Variants in TMED10 observed in about 807,000 individuals in gnomAD.
The protein encoded by TMED10 is transmembrane p24 trafficking protein 10.
TMED10 carries 7 observed loss-of-function variants against 23.1 expected under a neutral mutation model. The ratio of observed to expected loss-of-function variants is 0.30; its 90% CI spans 0.17 to 0.57. The LOEUF (loss-of-function observed/expected upper bound fraction) is 0.57, where lower values mean the gene tolerates loss of function less well. Among genes scored for constraint, TMED10 ranks in the 20% least tolerant of loss-of-function variants. The pLI is 0.91. For synonymous variants in TMED10, 113 were observed against 106.9 expected, an observed-to-expected ratio of 1.06 and a Z score of -0.35; for missense variants, 162 against 274.8, an observed-to-expected ratio of 0.59 and a Z score of 2.90.
intron 2 of TMED10, among the ~76,000 whole-genome samples, chr14:75,151,140 A>G (rs1594868816): frequency 6.6e-6 from 1 of 150,424 alleles, no homozygotes; most frequent in Non-Finnish European, 1.5e-5. Flanking sequence ...TCCTGGCCTC[A>G]GGTGATCCGC....
In TMED10 at chr14:75,145,473, T is replaced by C. The variant is rs376778678; in HGVS notation, c.411+2191A>G. On this transcript the variant is annotated intron_variant, in intron 3 of 4. Coordinates refer to ENST00000303575, the MANE Select transcript of TMED10 (RefSeq NM_006827.6). ...GCTATGTCTACTGTCTAATAGGGCA[T>C]TGATGTGTTGTTATTTAATAAATAC... Among the ~76,000 whole-genome samples the C allele has an allele frequency of 1.4e-4, 22 of 152,306 alleles. No homozygotes were observed. The East Asian group carries it at 2.7e-3, about 19-fold the overall frequency.
At chr14:75,151,911 G>C (rs934809566) in intron 2 of TMED10, 121 bp downstream of exon 2, 1 of 849,186 alleles carries the variant, frequency 1.2e-6, no homozygotes, top group African/African-American at 1.7e-5. Context: ...CAAGGTAACA[G>C]GTCTCCAAAT....
intron 3 of TMED10, among the ~76,000 whole-genome samples, chr14:75,144,172 C>G (rs1232387375): frequency 1.3e-5 from 2 of 152,176 alleles, no homozygotes; most frequent in African/African-American, 4.8e-5. Context: ...CAGATAGCTC[C>G]TTCTTTGTCG....
intron 1 of TMED10, among the ~76,000 whole-genome samples, chr14:75,164,917 AAGCAGATGTTTGATCC>A (rs554308699): frequency 3.3e-5 from 5 of 152,086 alleles, no homozygotes; most frequent in African/African-American, 1.2e-4. Context: ...ATGCCTAAGA[AAGCAGATGTTTGATCC>A]TTTTAGCTGA....
In TMED10 at chr14:75,135,285, G is replaced by A. The variant is rs188714374; in HGVS notation, c.539-279C>T. ...CTAACTCTGTCTCTATTAAAAATAC[G>A]AAAAATTAGCCAGGCATGGTGGCTT... On this transcript the variant is annotated intron_variant, in intron 4 of 4. Coordinates refer to ENST00000303575, the MANE Select transcript of TMED10 (RefSeq NM_006827.6). 9.2e-4 allele frequency among the ~76,000 whole-genome samples: 139 copies of A among 151,904 alleles called. 2 individuals carry two copies. The highest frequency in any genetic ancestry group is 2.6e-4 in the Non-Finnish European group (18 of 67,934).
chr14:75,169,730 C>G (rs755714655), intron 1 of TMED10, among the ~76,000 whole-genome samples: 5 of 152,200 alleles, frequency 3.3e-5, no homozygotes, highest in Admixed American at 6.5e-5. Context: ...GCACCAGTCT[C>G]CAGTTCTCCT....
At chr14:75,147,847 G>A in intron 2 of TMED10, 110 bp from the exon 3 acceptor site, 2 of 984,778 alleles carry the variant, frequency 2.0e-6, no homozygotes, top group South Asian at 1.5e-5. Context: ...TCAATAGAGG[G>A]AAACAGCCAC....
At chr14:75,166,104 T>TC in intron 1 of TMED10, among the ~76,000 whole-genome samples, 1 of 152,306 alleles carries the variant, frequency 6.6e-6, no homozygotes, top group East Asian at 1.9e-4. Context: ...ATGTTTTTTT[T>TC]CATACTGTTC....
At position 75,136,488 on chromosome 14, in the gene TMED10, T is replaced by C. The variant is rs142111894; in HGVS notation, c.412-602A>G. On this transcript the variant is annotated intron_variant, in intron 3 of 4. Coordinates refer to ENST00000303575, the MANE Select transcript of TMED10 (RefSeq NM_006827.6). ...TTTGACTTTAGTAAAGCACTTTACT[T>C]TGCACTTCCACTCATGTCTAAGAAG... Among the ~76,000 whole-genome samples, 297 of 152,260 alleles carry C rather than the reference T, an allele frequency of 2.0e-3. 2 individuals carry two copies. The highest frequency in any genetic ancestry group is 6.6e-3 in the African/African-American group (275 of 41,550).
Position 75,176,342 on chromosome 14 carries a change from C to T in TMED10, c.225+13G>A. ...CGTCTTCCCTCCCGGCCCCACGTCG[C>T]CCAATGCCGCACCTTGAGGTGGCTG... On this transcript the variant is annotated intron_variant, in intron 1 of 4. Transcript: ENST00000303575. 1 of 1,613,878 alleles carries T rather than the reference C, an allele frequency of 6.2e-7. No homozygotes were observed. The highest frequency in any genetic ancestry group is 8.5e-7 in the Non-Finnish European group (1 of 1,179,840).
chr14:75,152,545 A>C (rs186704217), intron 1 of TMED10, among the ~76,000 whole-genome samples: 3 of 152,352 alleles, frequency 2.0e-5, no homozygotes, highest in Admixed American at 1.3e-4. Flanking sequence ...AAAGATATAT[A>C]AAAACACATT....
At chr14:75,168,301 G>A (rs1896189403) in intron 1 of TMED10, among the ~76,000 whole-genome samples, 2 of 152,112 alleles carry the variant, frequency 1.3e-5, no homozygotes, top group Non-Finnish European at 2.9e-5. Context: ...TGAGGACCTT[G>A]TCCCGTTTAT....
chr14:75,166,697 A>C (rs890463753), intron 1 of TMED10, among the ~76,000 whole-genome samples: 11 of 152,218 alleles, frequency 7.2e-5, no homozygotes, highest in Non-Finnish European at 1.6e-4. Flanking sequence ...GGAACTTTGT[A>C]TATAATACAA....
At chr14:75,165,700 T>C (rs1276149773) in intron 1 of TMED10, among the ~76,000 whole-genome samples, 1 of 152,232 alleles carries the variant, frequency 6.6e-6, no homozygotes, top group African/African-American at 2.4e-5. Context: ...ATCTAGATTT[T>C]GCCCAGAACA....
At chr14:75,159,078 A>G (rs987608170) in intron 1 of TMED10, among the ~76,000 whole-genome samples, 5 of 152,158 alleles carry the variant, frequency 3.3e-5, no homozygotes, top group African/African-American at 1.2e-4. Flanking sequence ...CCACAAAGAT[A>G]CTCACTTCCC....
intron 1 of TMED10, among the ~76,000 whole-genome samples, chr14:75,154,362 A>G (rs1209777329): frequency 3.3e-5 from 4 of 122,966 alleles, no homozygotes; most frequent in African/African-American, 1.2e-4. Flanking sequence ...AGACTGTGCC[A>G]CTGCACTCCA....
intron 4 of TMED10, 46 bp downstream of exon 4, chr14:75,135,714 C>T (rs1007436986): frequency 6.3e-7 from 1 of 1,598,056 alleles, no homozygotes; most frequent in African/African-American, 1.4e-5. Flanking sequence ...TGGAGACTGT[C>T]TCATTTATGG....
chr14:75,138,419 T>C (rs935423976), intron 3 of TMED10, among the ~76,000 whole-genome samples: 1 of 152,216 alleles, frequency 6.6e-6, no homozygotes, highest in Non-Finnish European at 1.5e-5. Context: ...GGGTGTAAGA[T>C]TTAACCAATA....
chr14:75,145,770 A>G (rs175434), intron 3 of TMED10, among the ~76,000 whole-genome samples: 150,441 of 152,256 alleles, frequency 0.99, 74,344 homozygotes, highest in East Asian at 1. Flanking sequence ...CTGGGCAACC[A>G]AGCGAGACTC....
Sources: gnomAD v4.1 joint callset for allele counts (sites outside exome capture counted in the v4.1 genomes callset) on GRCh38, gnomAD v4.1.1 for gene constraint, MANE v1.5 for transcripts, NCBI Gene and HGNC (gene_info 2026-07-23, HGNC 2026-07-21) for gene names.